SLC38A10: variants seen among roughly 807,000 people sequenced by gnomAD.
The protein encoded by SLC38A10 is solute carrier family 38 member 10.
In SLC38A10, 53 loss-of-function variants were observed where a neutral mutation model predicts 81.0. That is an observed-to-expected ratio of 0.65 (90% CI 0.53 to 0.82). The LOEUF is 0.82. Among genes scored for constraint, SLC38A10 ranks in the 40% least tolerant of loss-of-function variants. The pLI is 0.00. For synonymous variants in SLC38A10, 665 were observed against 655.3 expected, an observed-to-expected ratio of 1.01 and a Z score of -0.23; for missense variants, 1,471 against 1,545.0, an observed-to-expected ratio of 0.95 and a Z score of 0.80.
Position 81,246,906 on chromosome 17 carries a change from C to G in SLC38A10, c.2221G>C (p.Glu741Gln). The change falls in exon 15 of 16, where the codon GAG becomes CAG. Residue 741 changes from glutamate (E) to glutamine (Q), a missense_variant. Glu to Gln is a conservative substitution (Grantham distance 29). Around this residue, in one of 2 missense-constraint regions of SLC38A10, gnomAD observed 751 missense variants for 717.4 expected, o/e 1.05. Transcript: ENST00000374759. Reference sequence around the variant, plus strand: ...CTACCCTGCCTGGGTTTATCCTCCTCGTCCTCCTGCCTCTGCTGGTGGATC... The same window carrying G: ...CTACCCTGCCTGGGTTTATCCTCCTGGTCCTCCTGCCTCTGCTGGTGGATC... ...KEIHQQRQED[E>Q]EDKPRQVEVH... The G allele has an allele frequency of 6.2e-7, 1 of 1,602,308 alleles. No homozygotes were observed. The highest frequency in any genetic ancestry group is 8.5e-7 in the Non-Finnish European group (1 of 1,174,960).
In SLC38A10 at chr17:81,276,930, G is replaced by A. The variant is rs2063167171; in HGVS notation, c.729+101C>T. The A allele has an allele frequency of 8.3e-7, 1 of 1,209,822 alleles. No homozygotes were observed. The highest frequency in any genetic ancestry group is 1.2e-6 in the Non-Finnish European group (1 of 825,248). The allele number at this position is 1,209,822 out of a possible 1,614,324, so 74.9% of individuals were successfully genotyped here. On this transcript the variant is annotated intron_variant, in intron 7 of 15. Coordinates refer to ENST00000374759, the MANE Select transcript of SLC38A10 (RefSeq NM_001037984.3). The surrounding 1 kb of genome is among the most constrained non-coding windows in gnomAD (Gnocchi z 4.7). ...TGGGAACAGAGAGAAAAACCCAGCAGCACACAGGGCCAGGGCCATGCCTGT... is the reference window on the plus strand; with the variant it reads ...TGGGAACAGAGAGAAAAACCCAGCAACACACAGGGCCAGGGCCATGCCTGT...
rs776304012 is a variant in SLC38A10, at chr17:81,265,951, C to T, written c.1131+4967G>A. Among the ~76,000 whole-genome samples, 1 of 152,240 alleles carries T rather than the reference C, an allele frequency of 6.6e-6. No individual in the cohort carries two copies. Among genetic ancestry groups the T allele is most frequent in the Admixed American group, 6.5e-5 (1 of 15,284 alleles). On this transcript the variant is annotated intron_variant, in intron 10 of 15. Coordinates refer to ENST00000374759, the MANE Select transcript of SLC38A10 (RefSeq NM_001037984.3). The surrounding 1 kb of genome is among the most constrained non-coding windows in gnomAD (Gnocchi z 4.2). ...AAACTGCGGTGAATGTGATTCAGTG[C>T]GCTTTCTAGCTTCCAAAAGACATGG...
chr17:81,293,675 G>A (rs1381054858), intron 1 of SLC38A10, among the ~76,000 whole-genome samples: 1 of 152,142 alleles, frequency 6.6e-6, no homozygotes. Context: ...GTCTTACTAT[G>A]TTGCCCAGGC....
At chr17:81,292,835 A>G (rs1010450558) in intron 1 of SLC38A10, among the ~76,000 whole-genome samples, 3 of 152,186 alleles carry the variant, frequency 2.0e-5, no homozygotes, top group African/African-American at 7.2e-5. Flanking sequence ...CACTTCACCG[A>G]CAGGCATCAA....
chr17:81,278,350 C>T (rs1227496834), intron 6 of SLC38A10, among the ~76,000 whole-genome samples: 1 of 152,108 alleles, frequency 6.6e-6, no homozygotes, highest in African/African-American at 2.4e-5. Context: ...CATCACTGCA[C>T]TCCAGCTTGG....
chr17:81,250,988 G>T (rs2062904989), intron 14 of SLC38A10: 1 of 1,351,248 alleles, frequency 7.4e-7, no homozygotes, highest in South Asian at 2.0e-5. Flanking sequence ...GAGGCCCGAG[G>T]GTGTGGGAGC....
chr17:81,253,553 C>G lies in SLC38A10; in HGVS notation c.1289-313G>C, dbSNP rs1226674600. 6.6e-6 allele frequency among the ~76,000 whole-genome samples: 1 copy of G among 152,094 alleles called. No homozygotes were observed. The highest frequency in any genetic ancestry group is 2.4e-5 in the African/African-American group (1 of 41,392). ...CACTCTCCCACAGTCCCCTCCATTACCATCACCTCCATCATCACCGTCATC... is the reference window on the plus strand; with the variant it reads ...CACTCTCCCACAGTCCCCTCCATTAGCATCACCTCCATCATCACCGTCATC... On this transcript the variant is annotated intron_variant, in intron 11 of 15. Coordinates refer to ENST00000374759, the MANE Select transcript of SLC38A10 (RefSeq NM_001037984.3). This position sits in a 1 kb window ranked among gnomAD's most constrained non-coding sequence, Gnocchi z 4.1.
intron 11 of SLC38A10, among the ~76,000 whole-genome samples, chr17:81,258,654 C>A (rs1442985547): frequency 6.6e-6 from 1 of 152,164 alleles, no homozygotes; most frequent in African/African-American, 2.4e-5. Context: ...CAGGCTACCA[C>A]AATCCCACCG....
chr17:81,272,060 T>TTC (rs1429780594), intron 9 of SLC38A10, among the ~76,000 whole-genome samples: 1 of 151,440 alleles, frequency 6.6e-6, no homozygotes, highest in East Asian at 1.9e-4. Flanking sequence ...GAGACGAAGT[T>TTC]TCTCTCTTGT....
rs2062851250 is a variant in SLC38A10, at chr17:81,246,365, G to A, written c.2551C>T (p.Leu851Phe). The A allele has an allele frequency of 1.2e-6, 2 of 1,603,190 alleles. No homozygotes were observed. The highest frequency in any genetic ancestry group is 1.7e-6 in the Non-Finnish European group (2 of 1,177,504). ...GGCACCTGCTCCGGGCCCTTGGGGAGCTCCTTCACAGTGCCAGCTGCCCTG... is the reference window on the plus strand; with the variant it reads ...GGCACCTGCTCCGGGCCCTTGGGGAACTCCTTCACAGTGCCAGCTGCCCTG... ...APRAAGTVKE[L>F]PKGPEQVPVP... The change falls in exon 16 of 16, where the codon CTC becomes TTC. Residue 851 changes from leucine (L) to phenylalanine (F), a missense_variant. This residue lies in a region of SLC38A10 where 751 missense variants were observed against 717.4 expected (regional missense o/e 1.05). Coordinates refer to ENST00000374759, the MANE Select transcript of SLC38A10 (RefSeq NM_001037984.3).
rs1460970235 is a variant in SLC38A10 at position 81,246,662 on chromosome 17, G to C, written c.2254C>G (p.Gln752Glu). 2.7e-6 allele frequency: 4 copies of C among 1,506,812 alleles called. No homozygotes were observed. In the African/African-American group the frequency reaches 5.6e-5, roughly 21 times the overall value. 93.3% of individuals were successfully genotyped at this position (1,506,812 alleles called of 1,614,324 possible). ...EDKPRQVEVH[Q>E]EPGAAVPRGQ... Reference sequence around the variant, plus strand: ...CTGGGCACCGCTGCCCCGGGCTCTTGATGCACCTCCACTGCAAATGAAGTC... The same window carrying C: ...CTGGGCACCGCTGCCCCGGGCTCTTCATGCACCTCCACTGCAAATGAAGTC... The change falls in exon 16 of 16, where the codon CAA becomes GAA. Residue 752 changes from glutamine (Q) to glutamate (E), a missense_variant. Transcript: ENST00000374759.
chr17:81,248,604 G>A (rs777418460), intron 14 of SLC38A10, among the ~76,000 whole-genome samples: 5 of 152,264 alleles, frequency 3.3e-5, no homozygotes, highest in Non-Finnish European at 7.3e-5. Context: ...AGGGCTGTGA[G>A]GCATAAAAGT....
At chr17:81,294,768 A>ACG (rs954551956) in intron 1 of SLC38A10, 55 bp downstream of exon 1, 12 of 1,465,704 alleles carry the variant, frequency 8.2e-6, no homozygotes, top group Non-Finnish European at 1.1e-5. Context: ...ACCCAGCCAG[A>ACG]CGCCCCCTCT....
At chr17:81,252,090 A>G (rs913440039) in intron 13 of SLC38A10, 105 bp downstream of exon 13, 4 of 1,434,626 alleles carry the variant, frequency 2.8e-6, no homozygotes. Flanking sequence ...GTGCAGGGAG[A>G]GAGACTGGGG....
chr17:81,257,643 C>A (rs1316988826), intron 11 of SLC38A10, among the ~76,000 whole-genome samples: 3 of 152,272 alleles, frequency 2.0e-5, no homozygotes. Flanking sequence ...TGGGCCTGAG[C>A]ACACAGAACT....
rs546752852 is a variant in SLC38A10, at chr17:81,251,556, C to T, written c.2002G>A (p.Glu668Lys). The change falls in exon 14 of 16, where the codon GAG (glutamate) becomes AAG (lysine). Residue 668 changes from glutamate to lysine, a missense_variant. Glu to Lys is a moderately conservative substitution (Grantham distance 56). This residue lies in a region of SLC38A10 where 751 missense variants were observed against 717.4 expected (regional missense o/e 1.05). Transcript: ENST00000374759. ...KPAPGPGLPP[E>K]PREQRDVERA... ...TCCACGTCCCTCTGCTCGCGAGGCT[C>T]GGGCGGCAGCCCAGGCCCTGGAGCC... 1.5e-5 allele frequency: 22 copies of T among 1,509,838 alleles called. No individual in the cohort carries two copies. In the South Asian group the frequency reaches 1.6e-4, roughly 11 times the overall value. The allele number at this position is 1,509,838 out of a possible 1,614,324, so 93.5% of individuals were successfully genotyped here. A position where few individuals can be genotyped will look rare whatever the true frequency, so the allele number is the denominator to read the frequency against.
Position 81,289,912 on chromosome 17 carries a change from C to T in SLC38A10, c.100-104G>A, listed in dbSNP as rs1376722430. 2.0e-5 allele frequency: 18 copies of T among 882,408 alleles called. No homozygotes were observed. The Middle Eastern group carries it at 1.1e-3, about 53-fold the overall frequency. 54.7% of individuals were successfully genotyped at this position (882,408 alleles called of 1,614,324 possible). On this transcript the variant is annotated intron_variant, in intron 1 of 15. Coordinates refer to ENST00000374759, the MANE Select transcript of SLC38A10 (RefSeq NM_001037984.3). The surrounding 1 kb of genome is among the most constrained non-coding windows in gnomAD (Gnocchi z 5.9). ...GAGGACCCTCTTCACCCCCAGGCCC[C>T]GCTCCATCCCAGTCTCCTGCCGAAC...
rs1361237379 is a variant in SLC38A10, at chr17:81,245,776, G to A, written c.3140C>T (p.Ser1047Phe). ...PNRDLKLQAGSDLRRRRRDLG... is the reference protein window; with the variant it reads ...PNRDLKLQAGFDLRRRRRDLG... Reference sequence around the variant, plus strand: ...GTCCCGCCGTCGCCTCCGGAGGTCGGAGCCAGCCTGCAGTTTCAGGTCCCG... The same window carrying A: ...GTCCCGCCGTCGCCTCCGGAGGTCGAAGCCAGCCTGCAGTTTCAGGTCCCG... Residue 1047 changes from serine (S) to phenylalanine (F), a missense_variant, in exon 16 of 16, where the codon TCC (serine) becomes TTC (phenylalanine). Coordinates refer to ENST00000374759, the MANE Select transcript of SLC38A10 (RefSeq NM_001037984.3). 6.3e-7 allele frequency: 1 copy of A among 1,598,904 alleles called. No homozygotes were observed. Among genetic ancestry groups the A allele is most frequent in the African/African-American group, 1.3e-5 (1 of 74,784 alleles).
At chr17:81,282,104 C>T in intron 5 of SLC38A10, 85 bp downstream of exon 5, 1 of 1,585,920 alleles carries the variant, frequency 6.3e-7, no homozygotes, top group East Asian at 2.3e-5. Context: ...CCACACCAGA[C>T]CTGGGCACGA....
Sources: gnomAD v4.1 joint callset for allele counts (sites outside exome capture counted in the v4.1 genomes callset) on GRCh38, gnomAD v4.1.1 for gene constraint, gnomAD v4.1.1 regional missense constraint, Gnocchi (gnomAD v3.1) non-coding constraint, MANE v1.5 for transcripts, NCBI Gene and HGNC (gene_info 2026-07-23, HGNC 2026-07-21) for gene names.